The following PRDM2 variants were observed in gnomAD, a reference collection of about 807,000 sequenced individuals.
PRDM2 encodes the protein PR/SET domain 2.
A neutral mutation model predicts 130.0 loss-of-function variants in PRDM2; 30 were observed. The observed-to-expected ratio is 0.23, with a 90% CI of 0.17 to 0.31. PRDM2 has a LOEUF of 0.31. Ranked by LOEUF, PRDM2 falls within the 10% of genes least tolerant of loss-of-function variation. The probability of loss-of-function intolerance (pLI) is 1.00; values close to 1 mark genes in which losing one functional copy is unlikely to be tolerated. For synonymous variants in PRDM2, 871 were observed against 782.4 expected, an observed-to-expected ratio of 1.11 and a Z score of -1.89; for missense variants, 2,011 against 2,108.4, an observed-to-expected ratio of 0.95 and a Z score of 0.90.
At chr1:13,813,866 G>A (rs1011289918) in intron 8 of PRDM2, among the ~76,000 whole-genome samples, 3 of 152,238 alleles carry the variant, frequency 2.0e-5, no homozygotes, top group Non-Finnish European at 4.4e-5. Flanking sequence ...AGATGCTAAA[G>A]GGAGCGGAGA....
In PRDM2 at chr1:13,782,468, A is replaced by G. The variant is rs1206776077; in HGVS notation, c.4673A>G (p.Lys1558Arg). 6.2e-7 allele frequency: 1 copy of G among 1,614,088 alleles called. No individual in the cohort carries two copies. The highest frequency in any genetic ancestry group is 8.5e-7 in the Non-Finnish European group (1 of 1,180,024). Residue 1558 changes from lysine to arginine, a missense_variant, in exon 8 of 10, where the codon AAG (lysine) becomes AGG (arginine). This residue lies in a region of PRDM2 where 410 missense variants were observed against 395.9 expected (regional missense o/e 1.04). Coordinates refer to ENST00000311066, the MANE Select transcript of PRDM2 (RefSeq NM_001393986.1). ...SSSFRSKQNV[K>R]FAASVKSKKP... The stretch of plus-strand genomic sequence containing the variant: ...TCCTTCAGGTCCAAGCAGAACGTCA[A>G]GTTTGCAGCTTCGGTGAAATCCAAA...
intron 8 of PRDM2, among the ~76,000 whole-genome samples, chr1:13,810,556 A>G (rs9970194): frequency 0.83 from 125,073 of 150,950 alleles, 51,874 homozygotes; most frequent in Middle Eastern, 0.86. Context: ...GTGCAGTGGC[A>G]CGATCTCGGC....
intron 1 of PRDM2, among the ~76,000 whole-genome samples, chr1:13,700,710 GCTTTTCT>G (rs1483261222): frequency 1.3e-5 from 2 of 152,072 alleles, no homozygotes; most frequent in African/African-American, 4.8e-5. Flanking sequence ...AAGCCGCTGT[GCTTTTCT>G]CTTTTGTGTT....
intron 6 of PRDM2, among the ~76,000 whole-genome samples, chr1:13,767,396 A>G (rs1363056371): frequency 6.6e-6 from 1 of 151,490 alleles, no homozygotes; most frequent in Non-Finnish European, 1.5e-5. Flanking sequence ...AGGTCGAGTG[A>G]TCCTCCCACC....
At chr1:13,764,108 G>GAAACATGAT (rs1644167651) in intron 6 of PRDM2, among the ~76,000 whole-genome samples, 1 of 152,102 alleles carries the variant, frequency 6.6e-6, no homozygotes, top group South Asian at 2.1e-4. Flanking sequence ...TTTAAAGGGG[G>GAAACATGAT]AAACATGATT....
Position 13,779,412 on chromosome 1 carries a change from A to G in PRDM2, c.1617A>G (p.Val539=). ...EQAQATQNVY[V]PSTEPEEEGE... is the part of the protein sequence containing the mutation. ...CCCAGGCCACCCAGAACGTGTATGT[A>G]CCAAGCACAGAGCCGGAGGAGGAAG... Residue 539 remains valine (V), a synonymous_variant, in exon 8 of 10, where the codon GTA becomes GTG. Transcript: ENST00000311066. The surrounding 1 kb of genome is among the most constrained non-coding windows in gnomAD (Gnocchi z 4.9). The G allele has an allele frequency of 6.2e-7, 1 of 1,614,210 alleles. No individual in the cohort carries two copies. The highest frequency in any genetic ancestry group is 1.7e-5 in the Admixed American group (1 of 60,026).
Position 13,779,683 on chromosome 1 carries a change from G to A in PRDM2, c.1888G>A (p.Gly630Ser). ...VTEDLPKEPL[G>S]STNSEAKKRR... is the part of the protein sequence containing the mutation. ...AGAAGATCTTCCTAAAGAGCCTTTG[G>A]GCAGCACAAATAGTGAGGCCAAGAA... is the stretch of plus-strand genomic sequence containing the variant. The change falls in exon 8 of 10, where the codon GGC (glycine) becomes AGC (serine). Residue 630 changes from glycine to serine, a missense_variant. This residue lies in a region of PRDM2 where 1,288 missense variants were observed against 1,237.7 expected (regional missense o/e 1.04). Transcript: ENST00000311066. The surrounding 1 kb of genome is among the most constrained non-coding windows in gnomAD (Gnocchi z 4.9). The A allele has an allele frequency of 1.2e-6, 2 of 1,613,974 alleles. No individual in the cohort carries two copies. The highest frequency in any genetic ancestry group is 1.7e-6 in the Non-Finnish European group (2 of 1,179,984).
rs552070066 is a variant in PRDM2 at position 13,824,545 on chromosome 1, T to C, written c.*1410T>C. ...GAAGGGTCTCATGCGGACCCTCACA[T>C]GGGCAGAAAAATGGTGGTCATTGGC... On this transcript the variant is annotated 3_prime_UTR_variant, in exon 10 of 10. Transcript: ENST00000311066. 6 of 152,276 alleles carry C rather than the reference T, an allele frequency of 3.9e-5. No individual in the cohort carries two copies. Among genetic ancestry groups the C allele is most frequent in the African/African-American group, 1.4e-4 (6 of 41,556 alleles). The allele number at this position is 152,276 out of a possible 1,614,324, so 9.4% of individuals were successfully genotyped here. A position where few individuals can be genotyped will look rare whatever the true frequency, so the allele number is the denominator to read the frequency against.
Position 13,803,149 on chromosome 1 carries a change from G to A in PRDM2, c.5037-13278G>A, listed in dbSNP as rs555728661. 3.9e-5 allele frequency among the ~76,000 whole-genome samples: 6 copies of A among 152,342 alleles called. No individual in the cohort carries two copies. The East Asian group carries it at 5.8e-4, about 15-fold the overall frequency. ...GTAGGGTTAGGTTCACAGAACTGTC[G>A]TAAAAATGGGGACCTTGTCCCCTGG... On this transcript the variant is annotated intron_variant, in intron 8 of 9. Transcript: ENST00000311066. This position sits in a 1 kb window ranked among gnomAD's most constrained non-coding sequence, Gnocchi z 6.2.
At chr1:13,765,112 T>C (rs1036786841) in intron 6 of PRDM2, among the ~76,000 whole-genome samples, 1 of 152,216 alleles carries the variant, frequency 6.6e-6, no homozygotes, top group African/African-American at 2.4e-5. Flanking sequence ...CTTGTGATCC[T>C]CTGATAACCA....
At position 13,770,849 on chromosome 1, in the gene PRDM2, G is replaced by C. The variant is rs547727187; in HGVS notation, c.512-2229G>C. On this transcript the variant is annotated intron_variant, in intron 6 of 9. Coordinates refer to ENST00000311066, the MANE Select transcript of PRDM2 (RefSeq NM_001393986.1). ...ACACCAGGAACTCTCTCTTCACATG[G>C]TAATAAAAGAAGCCGTGAATTTCCT... Among the ~76,000 whole-genome samples, 6 of 152,164 alleles carry C rather than the reference G, an allele frequency of 3.9e-5. No individual in the cohort carries two copies. The South Asian group carries it at 1.2e-3, about 32-fold the overall frequency.
chr1:13,719,056 A>G (rs1642640926), intron 2 of PRDM2, among the ~76,000 whole-genome samples: 1 of 152,212 alleles, frequency 6.6e-6, no homozygotes, highest in African/African-American at 2.4e-5. Flanking sequence ...AGACAGTTAA[A>G]AAGCAGGAAG....
intron 3 of PRDM2, among the ~76,000 whole-genome samples, 163 bp from the exon 4 acceptor site, chr1:13,732,616 T>C (rs116100589): frequency 0.018 from 2,738 of 152,332 alleles, 63 homozygotes; most frequent in South Asian, 0.12. Flanking sequence ...AAAATCCCCA[T>C]TGAGGACTTG....
chr1:13,752,934 T>C (rs1265604137), intron 6 of PRDM2, among the ~76,000 whole-genome samples: 1 of 152,220 alleles, frequency 6.6e-6, no homozygotes, highest in African/African-American at 2.4e-5. Context: ...AAACATGCTC[T>C]GTGAAGCTGT....
chr1:13,797,604 G>A (rs1644942336), intron 8 of PRDM2, among the ~76,000 whole-genome samples: 3 of 152,180 alleles, frequency 2.0e-5, no homozygotes, highest in Admixed American at 2.0e-4. Context: ...GCATTTTGCG[G>A]TTTGGTTTGC....
At chr1:13,759,196 G>T (rs1233099653) in intron 6 of PRDM2, among the ~76,000 whole-genome samples, 1 of 146,418 alleles carries the variant, frequency 6.8e-6, no homozygotes, top group Non-Finnish European at 1.5e-5. Context: ...AAACTACAGC[G>T]ATAAACAATC....
In PRDM2 at chr1:13,749,404, A is replaced by G; in HGVS notation, c.428A>G (p.Glu143Gly). Residue 143 changes from glutamate to glycine, a missense_variant, in exon 6 of 10, where the codon GAA (glutamate) becomes GGA (glycine). By Grantham distance (98) the Glu-to-Gly change is moderately conservative. Transcript: ENST00000311066. ...GAGCTCCTGGTCTGGTACAATGGGG[A>G]AGACAACCCTGAGATAGCAGCTGCG... is the stretch of plus-strand genomic sequence containing the variant. ...GEELLVWYNG[E>G]DNPEIAAAIE... The G allele has an allele frequency of 1.3e-6, 2 of 1,503,800 alleles. No homozygotes were observed. Among genetic ancestry groups the G allele is most frequent in the Non-Finnish European group, 1.8e-6 (2 of 1,112,624 alleles). 93.2% of individuals were successfully genotyped at this position (1,503,800 alleles called of 1,614,324 possible). A position where few individuals can be genotyped will look rare whatever the true frequency, so the allele number is the denominator to read the frequency against.
chr1:13,731,625 A>G (rs976928639), intron 3 of PRDM2, among the ~76,000 whole-genome samples: 4 of 152,184 alleles, frequency 2.6e-5, no homozygotes, highest in African/African-American at 9.7e-5. Flanking sequence ...CTGTGAGTGT[A>G]TCTAAATTCT....
chr1:13,779,217 A>G lies in PRDM2; in HGVS notation c.1422A>G (p.Glu474=). ...SQDTINSSVV[E]ENGEVKELHP... ...ACACAATAAATTCTTCTGTCGTAGA[A>G]GAGAATGGGGAAGTTAAAGAACTTC... is the stretch of plus-strand genomic sequence containing the variant. The change falls in exon 8 of 10, where the codon GAA becomes GAG. Residue 474 remains glutamate, a synonymous_variant. Transcript: ENST00000311066. The surrounding 1 kb of genome is among the most constrained non-coding windows in gnomAD (Gnocchi z 4.9). 1 of 1,614,212 alleles carries G rather than the reference A, an allele frequency of 6.2e-7. No homozygotes were observed. The highest frequency in any genetic ancestry group is 8.5e-7 in the Non-Finnish European group (1 of 1,180,028).
Sources: gnomAD v4.1 joint callset for allele counts (sites outside exome capture counted in the v4.1 genomes callset) on GRCh38, gnomAD v4.1.1 for gene constraint, gnomAD v4.1.1 regional missense constraint, Gnocchi (gnomAD v3.1) non-coding constraint, MANE v1.5 for transcripts, NCBI Gene and HGNC (gene_info 2026-07-23, HGNC 2026-07-21) for gene names.